PTPRD: variants seen among roughly 807,000 people sequenced by gnomAD.
PTPRD encodes the protein protein tyrosine phosphatase receptor type D, also known as receptor-type tyrosine-protein phosphatase delta.
Under a neutral mutation model 214.5 loss-of-function variants are expected in PTPRD, and 34 were observed. The ratio of observed to expected loss-of-function variants is 0.16; its 90% confidence interval spans 0.12 to 0.21. The LOEUF (loss-of-function observed/expected upper bound fraction) is 0.21. Among genes scored for constraint, PTPRD ranks in the 10% least tolerant of loss-of-function variants. PTPRD has a pLI of 1.00. For synonymous variants in PTPRD, 1,128 were observed against 845.7 expected, an observed-to-expected ratio of 1.33 and a Z score of -5.79; for missense variants, 2,545 against 2,398.7, an observed-to-expected ratio of 1.06 and a Z score of -1.27.
intron 11 of PTPRD, among the ~76,000 whole-genome samples, chr9:8,854,137 G>A (rs572100364): frequency 2.0e-5 from 3 of 152,110 alleles, no homozygotes; most frequent in East Asian, 1.9e-4. Context: ...GTTTATTTTC[G>A]AGATTCCTAG....
At chr9:9,218,025 C>T (rs1419610277) in intron 9 of PTPRD, among the ~76,000 whole-genome samples, 2 of 152,114 alleles carry the variant, frequency 1.3e-5, no homozygotes, top group African/African-American at 4.8e-5. Context: ...TTTCTGAGCC[C>T]TCTGGGGTCC....
At chr9:9,074,627 C>A (rs2099748360) in intron 10 of PTPRD, among the ~76,000 whole-genome samples, 1 of 151,906 alleles carries the variant, frequency 6.6e-6, no homozygotes, top group Non-Finnish European at 1.5e-5. Flanking sequence ...ATGTTAAGCA[C>A]CTTTCATGTG....
In PTPRD at chr9:8,484,262, G is replaced by A. The variant is rs2135778965; in HGVS notation, c.3270C>T (p.Asn1090=). 6.2e-7 allele frequency: 1 copy of A among 1,614,126 alleles called. No homozygotes were observed. Among genetic ancestry groups the A allele is most frequent in the Non-Finnish European group, 8.5e-7 (1 of 1,180,022 alleles). Residue 1090 remains asparagine (N), a synonymous_variant, in exon 30 of 46, where the codon AAC becomes AAT. Coordinates refer to ENST00000381196, the MANE Select transcript of PTPRD (RefSeq NM_002839.4). ...SYSFVLTNRG[N]SAGGLQHRVT... The stretch of plus-strand genomic sequence containing the variant: ...CCCTGTGCTGCAGCCCACCAGCACT[G>A]TTTCCACGATTTGTCAGCACAAATG...
intron 10 of PTPRD, among the ~76,000 whole-genome samples, chr9:9,175,715 T>C (rs1475139436): frequency 6.6e-6 from 1 of 151,976 alleles, no homozygotes; most frequent in South Asian, 2.1e-4. Context: ...GGAAGACTCT[T>C]CTTTGTGTGA....
chr9:8,915,846 TA>T, intron 11 of PTPRD, among the ~76,000 whole-genome samples: 1 of 152,298 alleles, frequency 6.6e-6, no homozygotes, highest in Non-Finnish European at 1.5e-5. Context: ...CTTCATCTAA[TA>T]AAAACACCCT....
intron 2 of PTPRD, among the ~76,000 whole-genome samples, chr9:10,455,201 G>T (rs1361625992): frequency 6.6e-6 from 1 of 151,658 alleles, no homozygotes; most frequent in Non-Finnish European, 1.5e-5. Context: ...AGCCTCTGTA[G>T]CACTGCTGAC....
intron 8 of PTPRD, among the ~76,000 whole-genome samples, chr9:9,531,619 G>C (rs1316995160): frequency 6.6e-6 from 1 of 152,070 alleles, no homozygotes; most frequent in East Asian, 1.9e-4. Flanking sequence ...TGGCTGAATA[G>C]TACTCCTCGC....
intron 9 of PTPRD, among the ~76,000 whole-genome samples, chr9:9,351,091 G>A (rs1478902641): frequency 2.6e-5 from 4 of 151,956 alleles, no homozygotes; most frequent in African/African-American, 4.8e-5. Context: ...AACACTTGCT[G>A]GTGATTTCCA....
intron 14 of PTPRD, among the ~76,000 whole-genome samples, chr9:8,608,630 T>C (rs1388676780): frequency 1.3e-5 from 2 of 151,988 alleles, no homozygotes; most frequent in South Asian, 4.1e-4. Context: ...TCCACATATA[T>C]CAAATCAGCC....
intron 8 of PTPRD, among the ~76,000 whole-genome samples, chr9:9,467,624 G>T (rs975401542): frequency 1.2e-5 from 1 of 86,564 alleles, no homozygotes; most frequent in African/African-American, 3.8e-5. Flanking sequence ...GAGCAGAAAT[G>T]ACCGCATCTC....
At chr9:8,454,386 T>C (rs948382840) in intron 33 of PTPRD, among the ~76,000 whole-genome samples, 11 of 152,220 alleles carry the variant, frequency 7.2e-5, no homozygotes, top group African/African-American at 2.2e-4. Flanking sequence ...TTTTTTCTAA[T>C]GTAAACAAAA....
At chr9:9,740,936 G>T (rs961112039) in intron 6 of PTPRD, among the ~76,000 whole-genome samples, 2 of 152,094 alleles carry the variant, frequency 1.3e-5, no homozygotes, top group Non-Finnish European at 2.9e-5. Flanking sequence ...TGTGGCTGAA[G>T]TCTGAGGTTC....
intron 5 of PTPRD, among the ~76,000 whole-genome samples, chr9:9,935,859 G>C (rs2089151097): frequency 6.7e-6 from 1 of 149,238 alleles, no homozygotes; most frequent in South Asian, 2.1e-4. Flanking sequence ...AAAACAGCAT[G>C]GTACTGGTAC....
chr9:9,827,957 C>T lies in PTPRD; in HGVS notation c.-367-61106G>A, dbSNP rs1442257612. Among the ~76,000 whole-genome samples, 6 of 152,106 alleles carry T rather than the reference C, an allele frequency of 3.9e-5. 1 individual carries two copies. Among genetic ancestry groups the T allele is most frequent in the Admixed American group, 2.6e-4 (4 of 15,268 alleles). Reference sequence around the variant, plus strand: ...TGCAAATCAAAACCACAATGAGATACAATCTCACACCAGTTAGAATGGCGA... The same window carrying T: ...TGCAAATCAAAACCACAATGAGATATAATCTCACACCAGTTAGAATGGCGA... On this transcript the variant is annotated intron_variant, in intron 5 of 45. Coordinates refer to ENST00000381196, the MANE Select transcript of PTPRD (RefSeq NM_002839.4).
At chr9:9,555,295 A>G (rs907994967) in intron 8 of PTPRD, among the ~76,000 whole-genome samples, 33 of 152,174 alleles carry the variant, frequency 2.2e-4, no homozygotes, top group African/African-American at 7.5e-4. Context: ...TTGTTTACCT[A>G]TATAAACCTG....
At chr9:8,695,071 G>A (rs962281825) in intron 12 of PTPRD, among the ~76,000 whole-genome samples, 17 of 152,096 alleles carry the variant, frequency 1.1e-4, no homozygotes, top group Non-Finnish European at 7.4e-5. Flanking sequence ...TTTCCCATCC[G>A]TCTGTCCCCT....
chr9:8,490,858 T>C (rs962811731), intron 27 of PTPRD, among the ~76,000 whole-genome samples: 1 of 152,146 alleles, frequency 6.6e-6, no homozygotes, highest in African/African-American at 2.4e-5. Context: ...ACTATTAAAA[T>C]AAAATTTCAC....
chr9:8,816,556 T>G (rs10815960), intron 11 of PTPRD, among the ~76,000 whole-genome samples: 99,691 of 152,084 alleles, frequency 0.66, 32,992 homozygotes, highest in Middle Eastern at 0.75. Flanking sequence ...CATGTTGCCA[T>G]GGCAACCAAA....
intron 3 of PTPRD, among the ~76,000 whole-genome samples, chr9:10,093,222 G>A (rs1045017196): frequency 6.6e-6 from 1 of 151,250 alleles, no homozygotes. Flanking sequence ...CTAAAATCTG[G>A]AATCTACAAG....
Sources: gnomAD v4.1 joint callset for allele counts (sites outside exome capture counted in the v4.1 genomes callset) on GRCh38, gnomAD v4.1.1 for gene constraint, MANE v1.5 for transcripts, NCBI Gene and HGNC (gene_info 2026-07-23, HGNC 2026-07-21) for gene names.